NFATC3: variants seen among roughly 807,000 people sequenced by gnomAD.
NFATC3 encodes nuclear factor of activated T-cells, cytoplasmic 3.
A neutral mutation model predicts 98.6 loss-of-function variants in NFATC3; 46 were observed. The ratio of observed to expected loss-of-function variants is 0.47; its 90% CI spans 0.37 to 0.60. The LOEUF is 0.60. Ranked by LOEUF, NFATC3 falls within the 20% of genes least tolerant of loss-of-function variation. NFATC3 has a pLI of 0.00. For missense variants in NFATC3, 1,256 were observed against 1,295.5 expected (o/e 0.97, Z 0.47); for synonymous variants, 512 against 472.2 (o/e 1.08, Z -1.09).
intron 9 of NFATC3, among the ~76,000 whole-genome samples, chr16:68,211,357 T>A (rs1338512621): frequency 6.6e-6 from 1 of 151,228 alleles, no homozygotes; most frequent in African/African-American, 2.4e-5. Flanking sequence ...CCAGCTAATT[T>A]TTGTATTTTT....
Position 68,228,435 on chromosome 16 carries a change from T to A in NFATC3, c.*1964T>A, listed in dbSNP as rs2042076841. On this transcript the variant is annotated 3_prime_UTR_variant, in exon 10 of 10. Coordinates refer to ENST00000346183, the MANE Select transcript of NFATC3 (RefSeq NM_173165.3). Reference sequence around the variant, plus strand: ...GCCTCACATGAGGTTATTGCAAGAGTTCCCCTTGCAATACCCTTTGTGCCC... The same window carrying A: ...GCCTCACATGAGGTTATTGCAAGAGATCCCCTTGCAATACCCTTTGTGCCC... 6.6e-6 allele frequency: 1 copy of A among 152,262 alleles called. No individual in the cohort carries two copies. The highest frequency in any genetic ancestry group is 2.4e-5 in the African/African-American group (1 of 41,400). 9.4% of individuals were successfully genotyped at this position (152,262 alleles called of 1,614,324 possible).
intron 8 of NFATC3, among the ~76,000 whole-genome samples, chr16:68,189,869 G>A (rs942075117): frequency 6.6e-6 from 1 of 152,036 alleles, no homozygotes; most frequent in African/African-American, 2.4e-5. Flanking sequence ...TCCGAGACCA[G>A]CCTGGGCAAC....
At chr16:68,147,755 GA>G (rs1191298518) in intron 3 of NFATC3, among the ~76,000 whole-genome samples, 7,241 of 87,720 alleles carry the variant, frequency 0.083, 199 homozygotes, top group Middle Eastern at 0.24. Context: ...TCTGTGAACT[GA>G]AAAAAAAAAA....
At chr16:68,177,157 C>G (rs1451564228) in intron 6 of NFATC3, among the ~76,000 whole-genome samples, 1 of 151,582 alleles carries the variant, frequency 6.6e-6, no homozygotes, top group Non-Finnish European at 1.5e-5. Flanking sequence ...AAGTGATTCT[C>G]CTGCCTCAGT....
chr16:68,135,945 C>T (rs1353595689), intron 3 of NFATC3, among the ~76,000 whole-genome samples: 1 of 151,804 alleles, frequency 6.6e-6, no homozygotes, highest in Non-Finnish European at 1.5e-5. Flanking sequence ...TGCCTGTAAT[C>T]CCAGCTACTC....
intron 8 of NFATC3, among the ~76,000 whole-genome samples, chr16:68,188,899 G>A (rs2040324503): frequency 6.6e-6 from 1 of 151,962 alleles, no homozygotes; most frequent in Non-Finnish European, 1.5e-5. Flanking sequence ...GTAGAGACAG[G>A]GTTTCATCAT....
At chr16:68,126,885 C>T (rs986229928) in intron 3 of NFATC3, among the ~76,000 whole-genome samples, 5 of 151,966 alleles carry the variant, frequency 3.3e-5, no homozygotes, top group African/African-American at 9.7e-5. Context: ...CAAATATGGC[C>T]GTATTATATT....
intron 1 of NFATC3, among the ~76,000 whole-genome samples, chr16:68,096,245 T>C (rs2035015163): frequency 1.3e-5 from 2 of 152,238 alleles, no homozygotes. Context: ...GGATTACAGG[T>C]GTGAGCCACC....
At chr16:68,208,429 G>A (rs1335180819) in intron 9 of NFATC3, among the ~76,000 whole-genome samples, 1 of 152,104 alleles carries the variant, frequency 6.6e-6, no homozygotes, top group East Asian at 1.9e-4. Flanking sequence ...TTTTTCTTAA[G>A]ATTGGGCACA....
intron 5 of NFATC3, among the ~76,000 whole-genome samples, chr16:68,170,969 A>C (rs2039431659): frequency 6.6e-6 from 1 of 152,098 alleles, no homozygotes; most frequent in Non-Finnish European, 1.5e-5. Flanking sequence ...TCATCACGCA[A>C]GTAGTTTTTT....
At chr16:68,106,450 C>A (rs1338625383) in intron 1 of NFATC3, among the ~76,000 whole-genome samples, 1 of 152,020 alleles carries the variant, frequency 6.6e-6, no homozygotes, top group Non-Finnish European at 1.5e-5. Flanking sequence ...CACCATCACG[C>A]CTGGCTAATT....
At chr16:68,169,301 C>T (rs1344220339) in intron 5 of NFATC3, among the ~76,000 whole-genome samples, 3 of 152,126 alleles carry the variant, frequency 2.0e-5, no homozygotes, top group African/African-American at 7.2e-5. Context: ...CAGGGTCTCA[C>T]TCTTTTGCCC....
chr16:68,216,494 T>TA, intron 9 of NFATC3, among the ~76,000 whole-genome samples: 1 of 152,360 alleles, frequency 6.6e-6, no homozygotes, highest in Admixed American at 6.5e-5. Flanking sequence ...GAAACATTGT[T>TA]ATGACGTTGA....
intron 9 of NFATC3, chr16:68,214,313 G>A: frequency 1.2e-6 from 2 of 1,606,686 alleles, no homozygotes; most frequent in Non-Finnish European, 1.7e-6. Context: ...TAGTGATGTT[G>A]TCTTCTTTGA....
intron 2 of NFATC3, among the ~76,000 whole-genome samples, chr16:68,124,227 G>A (rs907688693): frequency 1.3e-5 from 2 of 151,868 alleles, no homozygotes; most frequent in Admixed American, 6.6e-5. Flanking sequence ...TCAGGCTCCT[G>A]AGTGGCTGGG....
At chr16:68,121,163 T>TC (rs1204958197) in intron 1 of NFATC3, among the ~76,000 whole-genome samples, 9 of 151,520 alleles carry the variant, frequency 5.9e-5, no homozygotes, top group Non-Finnish European at 8.8e-5. Context: ...TCAGCCTGTG[T>TC]CCCCTCCCCC....
chr16:68,224,731 A>G (rs1424686713), intron 9 of NFATC3: 2 of 151,984 alleles, frequency 1.3e-5, no homozygotes, highest in Non-Finnish European at 2.9e-5. Context: ...TATGAGTTTG[A>G]GAAATTTTTG....
rs35302776 is a variant in NFATC3 at position 68,167,810 on chromosome 16, CTTTTTTTTTTTTTTTTTTTTTTT to C, written c.1774+812_1774+834del. ...TTTATATCTGTTAACCGTATGTGTT[CTTTTTTTTTTTTTTTTTTTTTTT>C]TTTTTTTTTTTTTTTTGAGACGGAG... On this transcript the variant is annotated intron_variant, in intron 5 of 9. Coordinates refer to ENST00000346183, the MANE Select transcript of NFATC3 (RefSeq NM_173165.3). 1.1e-3 allele frequency among the ~76,000 whole-genome samples: 26 copies of C among 23,920 alleles called. 1 individual carries two copies. Among genetic ancestry groups the C allele is most frequent in the African/African-American group, 1.8e-3 (19 of 10,548 alleles). 15.7% of individuals were successfully genotyped at this position (23,920 alleles called of 152,430 possible).
chr16:68,187,389 C>G (rs1165367761), intron 8 of NFATC3, among the ~76,000 whole-genome samples: 13 of 152,184 alleles, frequency 8.5e-5, no homozygotes, highest in Non-Finnish European at 1.3e-4. Context: ...CCTGTTTCAA[C>G]CCTGTTTGTA....
Sources: allele counts gnomAD v4.1 joint callset (sites outside exome capture counted in the v4.1 genomes callset), GRCh38; gene constraint gnomAD v4.1.1; transcripts MANE v1.5; gene names NCBI Gene and HGNC (gene_info 2026-07-23, HGNC 2026-07-21).